GIGYF2: variants seen among roughly 807,000 people sequenced by gnomAD.
The protein encoded by GIGYF2 is GRB10-interacting GYF protein 2.
GIGYF2 carries 25 observed loss-of-function variants against 208.1 expected under a neutral mutation model. The observed-to-expected ratio is 0.12, with a 90% confidence interval of 0.09 to 0.17. GIGYF2 has a LOEUF of 0.17. Ranked by LOEUF, GIGYF2 falls within the 10% of genes least tolerant of loss-of-function variation. The probability of loss-of-function intolerance (pLI) is 1.00; values close to 1 mark genes in which losing one functional copy is unlikely to be tolerated. For synonymous variants in GIGYF2, 534 were observed against 543.8 expected, an observed-to-expected ratio of 0.98 and a Z score of 0.25; for missense variants, 1,302 against 1,579.4, an observed-to-expected ratio of 0.82 and a Z score of 2.98.
At chr2:232,745,295 G>C (rs1435343150) in intron 3 of GIGYF2, among the ~76,000 whole-genome samples, 1 of 152,000 alleles carries the variant, frequency 6.6e-6, no homozygotes, top group Non-Finnish European at 1.5e-5. Flanking sequence ...TGAATCCAGG[G>C]CTCCCTGGAA....
chr2:232,847,807 G>T (rs921523754), intron 27 of GIGYF2, among the ~76,000 whole-genome samples: 9 of 152,026 alleles, frequency 5.9e-5, no homozygotes, highest in Non-Finnish European at 1.3e-4. Context: ...CATTTTTCTT[G>T]GTTTGTATTT....
intron 8 of GIGYF2, among the ~76,000 whole-genome samples, chr2:232,783,720 CTTG>C (rs1699801312): frequency 6.6e-6 from 1 of 151,904 alleles, no homozygotes; most frequent in African/African-American, 2.4e-5. Context: ...GAGTTTAGCT[CTTG>C]TTGTCCAGGC....
At position 232,704,437 on chromosome 2, in the gene GIGYF2, C is replaced by T. The variant is rs576439438; in HGVS notation, c.-44+948C>T. On this transcript the variant is annotated intron_variant, in intron 2 of 28. Coordinates refer to ENST00000373563, the MANE Select transcript of GIGYF2 (RefSeq NM_001103146.3). ...TGTTTGTTTTTTAGACAGAGTCTTG[C>T]TCTGTCGCCTGGGCTGGAGTGCAGT... Among the ~76,000 whole-genome samples, 15 of 152,210 alleles carry T rather than the reference C, an allele frequency of 9.9e-5. No homozygotes were observed. The East Asian group carries it at 2.9e-3, about 29-fold the overall frequency.
intron 3 of GIGYF2, among the ~76,000 whole-genome samples, chr2:232,744,478 A>C (rs917769569): frequency 5.9e-5 from 9 of 151,940 alleles, no homozygotes; most frequent in Non-Finnish European, 1.3e-4. Flanking sequence ...TAAACTGGCT[A>C]TTTTAAATAG....
chr2:232,849,182 T>G (rs540223493), intron 27 of GIGYF2, among the ~76,000 whole-genome samples: 7 of 152,206 alleles, frequency 4.6e-5, no homozygotes, highest in Middle Eastern at 3.4e-3. Context: ...ATTTTTTTTT[T>G]GGGAGGAAGT....
At chr2:232,851,048 G>A (rs540765727) in intron 28 of GIGYF2, among the ~76,000 whole-genome samples, 1 of 152,118 alleles carries the variant, frequency 6.6e-6, no homozygotes, top group African/African-American at 2.4e-5. Context: ...TATGGACCAT[G>A]CAAGGCAGGC....
intron 8 of GIGYF2, among the ~76,000 whole-genome samples, chr2:232,781,287 T>TACACAC (rs3062047): frequency 0.14 from 17,609 of 126,866 alleles, 1,382 homozygotes; most frequent in African/African-American, 0.21. Flanking sequence ...ATATCAGGAA[T>TACACAC]ACACACACAC....
At chr2:232,820,794 G>A (rs1701055280) in intron 21 of GIGYF2, among the ~76,000 whole-genome samples, 1 of 151,802 alleles carries the variant, frequency 6.6e-6, no homozygotes, top group Non-Finnish European at 1.5e-5. Context: ...TTTATTTCTA[G>A]GCTTTGTATT....
chr2:232,715,553 T>C (rs898132372), intron 2 of GIGYF2, among the ~76,000 whole-genome samples: 17 of 151,994 alleles, frequency 1.1e-4, no homozygotes, highest in Admixed American at 1.1e-3. Context: ...ATGTAGACAA[T>C]TCCTTGGACT....
Position 232,833,825 on chromosome 2 carries a change from A to G in GIGYF2, c.2766+732A>G, listed in dbSNP as rs77573114. Among the ~76,000 whole-genome samples, 901 of 152,294 alleles carry G rather than the reference A, an allele frequency of 5.9e-3. 15 individuals are homozygous for G. The highest frequency in any genetic ancestry group is 0.02 in the African/African-American group (848 of 41,548). On this transcript the variant is annotated intron_variant, in intron 22 of 28. Transcript: ENST00000373563. ...CAGAGTTGGCCATAGGCATTTATTGAAAGTTACATTAAGAGGTGATATATA... is the reference window on the plus strand; with the variant it reads ...CAGAGTTGGCCATAGGCATTTATTGGAAGTTACATTAAGAGGTGATATATA...
chr2:232,754,133 C>G (rs1698440090), intron 5 of GIGYF2, among the ~76,000 whole-genome samples: 1 of 150,970 alleles, frequency 6.6e-6, no homozygotes, highest in African/African-American at 2.4e-5. Flanking sequence ...CCACTGCACT[C>G]CAGCCTGGAT....
chr2:232,765,135 A>T (rs546799446), intron 8 of GIGYF2, among the ~76,000 whole-genome samples: 2 of 152,330 alleles, frequency 1.3e-5, no homozygotes, highest in South Asian at 4.1e-4. Context: ...TTTTGAAAAG[A>T]TGCTCACTTC....
chr2:232,754,404 T>C (rs2106319413), intron 5 of GIGYF2, among the ~76,000 whole-genome samples: 1 of 152,302 alleles, frequency 6.6e-6, no homozygotes, highest in Admixed American at 6.5e-5. Context: ...TTAAATAATT[T>C]TTAGAAATTG....
chr2:232,808,313 CAGA>C (rs915474757), intron 15 of GIGYF2, among the ~76,000 whole-genome samples: 22 of 152,322 alleles, frequency 1.4e-4, no homozygotes, highest in Middle Eastern at 3.4e-3. Context: ...TTACACATCT[CAGA>C]AGCTAAAAGC....
At chr2:232,767,977 T>C (rs547657974) in intron 8 of GIGYF2, 10 of 563,072 alleles carry the variant, frequency 1.8e-5, no homozygotes, top group African/African-American at 1.5e-4. Flanking sequence ...TTGAGTTACA[T>C]TGATTTCAGC....
At chr2:232,815,616 G>A in intron 18 of GIGYF2, 21 bp from the exon 19 acceptor site, 2 of 1,275,592 alleles carry the variant, frequency 1.6e-6, no homozygotes, top group Non-Finnish European at 2.3e-6. Flanking sequence ...ATTCCTCGTT[G>A]TTTCTTTTGT....
intron 23 of GIGYF2, among the ~76,000 whole-genome samples, chr2:232,840,710 G>T (rs1384897438): frequency 1.3e-5 from 2 of 152,194 alleles, no homozygotes; most frequent in Non-Finnish European, 2.9e-5. Context: ...TGTCAGAGAG[G>T]TAACAAGGGA....
At chr2:232,723,547 A>T (rs1480281592) in intron 2 of GIGYF2, among the ~76,000 whole-genome samples, 1 of 148,202 alleles carries the variant, frequency 6.7e-6, no homozygotes, top group Non-Finnish European at 1.5e-5. Context: ...CTTCTGCCTC[A>T]GCCTCCCGAG....
At chr2:232,728,040 A>G (rs957580916) in intron 2 of GIGYF2, among the ~76,000 whole-genome samples, 2 of 152,236 alleles carry the variant, frequency 1.3e-5, no homozygotes, top group African/African-American at 4.8e-5. Flanking sequence ...CAGAGGGAGC[A>G]GTGCTTTTAC....
Sources: gnomAD v4.1 joint callset for allele counts (sites outside exome capture counted in the v4.1 genomes callset) on GRCh38, gnomAD v4.1.1 for gene constraint, MANE v1.5 for transcripts, NCBI Gene and HGNC (gene_info 2026-07-23, HGNC 2026-07-21) for gene names.